The following NR4A1 variants were observed in gnomAD, a reference collection of about 807,000 sequenced individuals.
NR4A1 encodes nuclear receptor subfamily 4 group A member 1.
NR4A1 carries 24 observed loss-of-function variants against 47.5 expected under a neutral mutation model. That is an observed-to-expected ratio of 0.50 (90% CI 0.37 to 0.71). The LOEUF is 0.71. NR4A1 is among the 30% of genes least tolerant of loss of function. NR4A1 has a pLI of 0.00. For missense variants in NR4A1, 669 were observed against 788.6 expected (o/e 0.85, Z 1.82); for synonymous variants, 353 against 345.7 (o/e 1.02, Z -0.24).
At chr12:52,029,847 C>G (rs747106583) in intron 1 of NR4A1, among the ~76,000 whole-genome samples, 1 of 152,214 alleles carries the variant, frequency 6.6e-6, no homozygotes, top group Non-Finnish European at 1.5e-5. Context: ...GGGTTGTCAC[C>G]GGTAACCAGA....
At position 52,035,216 on chromosome 12, in the gene NR4A1, C is replaced by T. The variant is rs117401865; in HGVS notation, c.-83-6594C>T. ...GACTGCTTCTTCCACCATCTCACGC[C>T]GCCTCCACATGCCACCCAAAGCGTG... On this transcript the variant is annotated intron_variant, in intron 1 of 7. Coordinates refer to the NR4A1 transcript ENST00000360284. Among the ~76,000 whole-genome samples the T allele has an allele frequency of 6.4e-4, 98 of 152,294 alleles. 1 individual carries two copies. In the East Asian group the frequency reaches 0.015, roughly 23 times the overall value.
chr12:52,045,471 C>CCA (rs1431451216), intron 2 of NR4A1: 1 of 447,106 alleles, frequency 2.2e-6, no homozygotes, highest in Admixed American at 2.4e-5. Flanking sequence ...CCCTCACTTG[C>CCA]CATTACAGGT....
intron 1 of NR4A1, among the ~76,000 whole-genome samples, chr12:52,034,579 A>C (rs547432262): frequency 2.0e-5 from 3 of 152,350 alleles, no homozygotes; most frequent in African/African-American, 7.2e-5. Flanking sequence ...GAGGCTGGGT[A>C]GAAAGAGCAC....
At chr12:52,045,082 C>A (rs969879389) in intron 2 of NR4A1, among the ~76,000 whole-genome samples, 3 of 152,224 alleles carry the variant, frequency 2.0e-5, no homozygotes, top group Non-Finnish European at 4.4e-5. Flanking sequence ...ATTGACCACT[C>A]GCTGCATACA....
At chr12:52,029,969 C>T (rs573456843) in intron 1 of NR4A1, among the ~76,000 whole-genome samples, 24 of 151,764 alleles carry the variant, frequency 1.6e-4, no homozygotes, top group African/African-American at 1.7e-4. Context: ...GCCCTCAGGG[C>T]GGTGGCTGCT....
rs777548191 is a variant in NR4A1, at chr12:52,041,861, CCTT to C, written c.-29_-27del. 9.8e-6 allele frequency: 15 copies of C among 1,524,618 alleles called. No individual in the cohort carries two copies. The South Asian group carries it at 1.8e-4, about 18-fold the overall frequency. 94.4% of individuals were successfully genotyped at this position (1,524,618 alleles called of 1,614,324 possible). ...CCTGCCCCTCCCAGGCAGCCTGGCT[CCTT>C]CTGCTGGGCCCTGAAGGCAGACGGG... On this transcript the variant is annotated 5_prime_UTR_variant, in exon 2 of 8. Transcript: ENST00000360284.
At chr12:52,041,051 G>C (rs1047004246) in intron 1 of NR4A1, among the ~76,000 whole-genome samples, 3 of 152,152 alleles carry the variant, frequency 2.0e-5, no homozygotes, top group Admixed American at 2.0e-4. Flanking sequence ...GAGAGGCCAG[G>C]TGCCCAGGGT....
chr12:52,048,145 TCAAAAACAAAACAAAA>T (rs939327022), upstream of NR4A1, among the ~76,000 whole-genome samples: 1 of 149,032 alleles, frequency 6.7e-6, no homozygotes, highest in Non-Finnish European at 1.5e-5. Flanking sequence ...CAGCACCATC[TCAAAAACAAAACAAAA>T]CAAAAACAAA....
intron 1 of NR4A1, among the ~76,000 whole-genome samples, chr12:52,033,174 A>C (rs897775277): frequency 3.4e-5 from 5 of 148,756 alleles, no homozygotes; most frequent in South Asian, 2.2e-4. Flanking sequence ...CCCCGGCCCC[A>C]CCCCGCCCAG....
At position 52,059,149 on chromosome 12, in the gene NR4A1, AT is replaced by A; in HGVS notation, c.*206del. On this transcript the variant is annotated 3_prime_UTR_variant, in exon 7 of 7. Transcript: ENST00000394825. ...TGGGGGTGACCCCACGATTTGTCTT[AT>A]CCCCCCCAGCCTGGCCCCGGCCTTT... 3.1e-6 allele frequency: 2 copies of A among 642,238 alleles called. No individual in the cohort carries two copies. Among genetic ancestry groups the A allele is most frequent in the Middle Eastern group, 4.2e-4 (1 of 2,356 alleles). The allele number at this position is 642,238 out of a possible 1,614,324, so 39.8% of individuals were successfully genotyped here.
intron 1 of NR4A1, chr12:52,041,665 G>A: frequency 1.1e-6 from 1 of 896,768 alleles, no homozygotes; most frequent in Non-Finnish European, 1.5e-6. Flanking sequence ...CCTAACCCGG[G>A]GAGGTCCTTG....
chr12:52,024,471 A>C (rs1937962266), intron 1 of NR4A1, among the ~76,000 whole-genome samples: 2 of 152,200 alleles, frequency 1.3e-5, no homozygotes, highest in Non-Finnish European at 1.5e-5. Context: ...CCAAGGCCGG[A>C]GGATCTCTTG....
chr12:52,041,002 G>A (rs895266658), intron 1 of NR4A1, among the ~76,000 whole-genome samples: 4 of 152,148 alleles, frequency 2.6e-5, no homozygotes, highest in African/African-American at 9.7e-5. Flanking sequence ...AGAGGCTGGG[G>A]TGTGGGGTGA....
rs753878433 is a variant in NR4A1 at position 52,055,076 on chromosome 12, G to C, written c.748G>C (p.Val250Leu). 6.2e-7 allele frequency: 1 copy of C among 1,614,244 alleles called. No homozygotes were observed. Among genetic ancestry groups the C allele is most frequent in the Non-Finnish European group, 8.5e-7 (1 of 1,180,038 alleles). The part of the protein sequence containing the change: ...LEGSGILDTP[V>L]TSTKARSGAP... ...GGGCTCGGGGATACTGGATACACCC[G>C]TGACCTCAACCAAGGCCCGGAGCGG... The change falls in exon 2 of 7, where the codon GTG (valine) becomes CTG (leucine). Residue 250 changes from valine (V) to leucine (L), a missense_variant. Transcript: ENST00000394825.
chr12:52,030,892 C>G (rs1938110786), intron 1 of NR4A1, among the ~76,000 whole-genome samples: 1 of 152,186 alleles, frequency 6.6e-6, no homozygotes, highest in Admixed American at 6.5e-5. Flanking sequence ...AGCTCTGTCC[C>G]CCTTAGTCAC....
rs779984428 is a variant in NR4A1, at chr12:52,056,548, A to G, written c.1061A>G (p.Lys354Arg). ...CGGGGCCGGCTACCTTCAAAACCCA[A>G]GCAGCCCCCAGATGCCTCCCCTGCC... ...GRRGRLPSKPKQPPDASPANL... is the reference protein window; with the variant it reads ...GRRGRLPSKPRQPPDASPANL... The change falls in exon 4 of 7, where the codon AAG (lysine) becomes AGG (arginine). Residue 354 changes from lysine to arginine, a missense_variant. Lys to Arg is a conservative substitution (Grantham distance 26, BLOSUM62 2). Transcript: ENST00000394825. The G allele has an allele frequency of 1.2e-6, 2 of 1,613,288 alleles. No homozygotes were observed. The highest frequency in any genetic ancestry group is 2.2e-5 in the East Asian group (1 of 44,788).
upstream of NR4A1, among the ~76,000 whole-genome samples, chr12:52,047,232 T>A (rs1248741246): frequency 6.6e-6 from 1 of 152,126 alleles, no homozygotes; most frequent in Non-Finnish European, 1.5e-5. Context: ...CTTGGAGGGG[T>A]GTGTGCTGGG....
At chr12:52,027,253 C>T (rs778816521) in intron 1 of NR4A1, among the ~76,000 whole-genome samples, 24 of 152,302 alleles carry the variant, frequency 1.6e-4, no homozygotes, top group Admixed American at 3.9e-4. Context: ...GGCTGGGAGA[C>T]GTGATGAATG....
chr12:52,037,262 C>G (rs1487538398), intron 1 of NR4A1: 1 of 564,452 alleles, frequency 1.8e-6, no homozygotes, highest in Non-Finnish European at 2.2e-6. Flanking sequence ...GGCTGCGGCG[C>G]GGCTGCAGGA....
Sources: gnomAD v4.1 joint callset for allele counts (sites outside exome capture counted in the v4.1 genomes callset) on GRCh38, gnomAD v4.1.1 for gene constraint, MANE v1.5 for transcripts, NCBI Gene and HGNC (gene_info 2026-07-23, HGNC 2026-07-21) for gene names.